Variants in RHOA observed in about 807,000 individuals in gnomAD.
RHOA encodes the protein ras homolog family member A.
In RHOA, 3 loss-of-function variants were observed where a neutral mutation model predicts 17.5. The ratio of observed to expected loss-of-function variants is 0.17; its 90% confidence interval spans 0.08 to 0.44. The LOEUF (loss-of-function observed/expected upper bound fraction) is 0.44. Among genes scored for constraint, RHOA ranks in the 20% least tolerant of loss-of-function variants. The pLI, the probability that RHOA is intolerant of heterozygous loss-of-function variation, is 0.99. For synonymous variants in RHOA, 98 were observed against 88.4 expected (o/e 1.11, Z -0.61); for missense variants, 56 against 242.3 (o/e 0.23, Z 5.10).
At chr3:49,381,079 G>A (rs1255138718) in intron 1 of RHOA, among the ~76,000 whole-genome samples, 1 of 151,856 alleles carries the variant, frequency 6.6e-6, no homozygotes, top group Non-Finnish European at 1.5e-5. Flanking sequence ...CGATGATAGG[G>A]AAATGTGCTC....
At chr3:49,409,250 C>T (rs1225989364) in intron 1 of RHOA, among the ~76,000 whole-genome samples, 1 of 151,784 alleles carries the variant, frequency 6.6e-6, no homozygotes, top group African/African-American at 2.4e-5. Context: ...CAAAAGTTAG[C>T]CAGGAATGGT....
At chr3:49,396,037 A>G (rs1215174270) in intron 1 of RHOA, among the ~76,000 whole-genome samples, 2 of 152,230 alleles carry the variant, frequency 1.3e-5, no homozygotes, top group Non-Finnish European at 2.9e-5. Flanking sequence ...AGTGGTGGTC[A>G]TGAAGAAGCC....
rs56912055 is a variant in RHOA at position 49,405,257 on chromosome 3, CAAAAAAAA to C, written c.-3+6555_-3+6562del. On this transcript the variant is annotated intron_variant, in intron 1 of 4. Transcript: ENST00000418115. The stretch of plus-strand genomic sequence containing the variant: ...TGGGTGACAGAGCGAGACTGTGTCT[CAAAAAAAA>C]AAAAAAAAAAAAAAAAATTAGCTGG... Among the ~76,000 whole-genome samples, 1,067 of 109,994 alleles carry C rather than the reference CAAAAAAAA, an allele frequency of 9.7e-3. 15 individuals are homozygous for C. The highest frequency in any genetic ancestry group is 0.042 in the African/African-American group (1,032 of 24,330). The allele number at this position is 109,994 out of a possible 152,430, so 72.2% of individuals were successfully genotyped here.
At position 49,375,590 on chromosome 3, in the gene RHOA, TG is replaced by T. The variant is rs747354254; in HGVS notation, c.-2del. ...CCAGTTTCTTCCGGATGGCAGCCAT[TG>T]CTGAAACACAAAACACAGATATTAC... On this transcript the variant is annotated splice_region_variant and 5_prime_UTR_variant, in exon 2 of 5. Transcript: ENST00000418115. The T allele has an allele frequency of 1.1e-5, 18 of 1,612,976 alleles. 1 individual carries two copies. In the South Asian group the frequency reaches 2.0e-4, roughly 18 times the overall value.
Position 49,375,348 on chromosome 3 carries a change from A to G in RHOA, c.156+86T>C, listed in dbSNP as rs1244386236. The G allele has an allele frequency of 3.8e-6, 5 of 1,305,268 alleles. No homozygotes were observed. The African/African-American group carries it at 6.0e-5, about 16-fold the overall frequency. The allele number at this position is 1,305,268 out of a possible 1,614,324, so 80.9% of individuals were successfully genotyped here. The stretch of plus-strand genomic sequence containing the variant: ...ACATTTTTGTTATATGGTATACTGA[A>G]GAGGCAAAAAGCTCTAATTCTCTAC... On this transcript the variant is annotated intron_variant, in intron 2 of 4. Coordinates refer to ENST00000418115, the MANE Select transcript of RHOA (RefSeq NM_001664.4).
At chr3:49,363,149 T>C (rs1307414738) in intron 3 of RHOA, among the ~76,000 whole-genome samples, 1 of 152,208 alleles carries the variant, frequency 6.6e-6, no homozygotes, top group Non-Finnish European at 1.5e-5. Flanking sequence ...CCGGGAGCGG[T>C]GGCTCATGCC....
intron 1 of RHOA, among the ~76,000 whole-genome samples, chr3:49,399,592 C>T (rs10446468): frequency 0.97 from 142,220 of 146,608 alleles, 69,060 homozygotes; most frequent in Middle Eastern, 1. Flanking sequence ...TTTTTTTTTT[C>T]CCCCAGAAAG....
intron 3 of RHOA, among the ~76,000 whole-genome samples, chr3:49,367,365 A>AAAAAAAAAAAAAAAAAC (rs2048075889): frequency 6.7e-6 from 1 of 149,778 alleles, no homozygotes. Flanking sequence ...AAAAAAAAAA[A>AAAAAAAAAAAAAAAAAC]AGAATACTGA....
rs62926260 is a variant in RHOA at position 49,367,342 on chromosome 3, C to CAAAAAAAAAAAAAAAAA, written c.277+1069_277+1085dup. ...TGGGAGACAGAGCAAGACTCCCTCT[C>CAAAAAAAAAAAAAAAAA]AAAAAAAAAAAAAAAAAAAAAAAAG... is the stretch of plus-strand genomic sequence containing the variant. On this transcript the variant is annotated intron_variant, in intron 3 of 4. Transcript: ENST00000418115. Among the ~76,000 whole-genome samples, 175 of 80,420 alleles carry CAAAAAAAAAAAAAAAAA rather than the reference C, an allele frequency of 2.2e-3. 9 individuals carry two copies. The highest frequency in any genetic ancestry group is 0.016 in the East Asian group (14 of 890). The allele number at this position is 80,420 out of a possible 152,430, so 52.8% of individuals were successfully genotyped here.
chr3:49,365,660 G>A (rs1339993619), intron 3 of RHOA, among the ~76,000 whole-genome samples: 1 of 141,852 alleles, frequency 7.0e-6, no homozygotes, highest in Non-Finnish European at 1.5e-5. Flanking sequence ...ATGCGATCTC[G>A]GCTCACTGCA....
At chr3:49,370,497 G>A (rs1281516014) in intron 2 of RHOA, among the ~76,000 whole-genome samples, 2 of 152,190 alleles carry the variant, frequency 1.3e-5, no homozygotes, top group Admixed American at 6.6e-5. Context: ...AAACAAATCT[G>A]TATTTTGAGT....
At chr3:49,408,291 T>C (rs2048873528) in intron 1 of RHOA, among the ~76,000 whole-genome samples, 1 of 148,010 alleles carries the variant, frequency 6.8e-6, no homozygotes. Context: ...TACACAAGTA[T>C]ATATACATAT....
intron 1 of RHOA, among the ~76,000 whole-genome samples, chr3:49,386,695 T>A (rs1221240013): frequency 1.3e-5 from 2 of 152,196 alleles, no homozygotes; most frequent in African/African-American, 2.4e-5. Context: ...CTCGATTAAT[T>A]AATATGCAAC....
At chr3:49,390,681 C>G (rs1273096576) in intron 1 of RHOA, among the ~76,000 whole-genome samples, 1 of 152,274 alleles carries the variant, frequency 6.6e-6, no homozygotes, top group East Asian at 1.9e-4. Context: ...GTGGCTTAAT[C>G]CTCTGTCTAA....
At chr3:49,382,177 G>C (rs1203107876) in intron 1 of RHOA, among the ~76,000 whole-genome samples, 1 of 151,516 alleles carries the variant, frequency 6.6e-6, no homozygotes, top group African/African-American at 2.4e-5. Flanking sequence ...AAATTAGCCA[G>C]GCGTCGTGAA....
At chr3:49,362,771 C>G in intron 3 of RHOA, 145 bp from the exon 4 acceptor site, 1 of 675,198 alleles carries the variant, frequency 1.5e-6, no homozygotes. Flanking sequence ...GTTTCAAAAC[C>G]ATAAAAAGGA....
chr3:49,379,918 AAAG>A (rs1288578333), intron 1 of RHOA, among the ~76,000 whole-genome samples: 1 of 152,242 alleles, frequency 6.6e-6, no homozygotes, highest in Non-Finnish European at 1.5e-5. Flanking sequence ...TGGGGGGAAA[AAAG>A]AGAGAAATCT....
chr3:49,377,124 G>A (rs536508218), intron 1 of RHOA, among the ~76,000 whole-genome samples: 5 of 152,086 alleles, frequency 3.3e-5, no homozygotes, highest in South Asian at 2.1e-4. Flanking sequence ...GCGAAACTCC[G>A]TCTCAAAAAA....
At chr3:49,409,036 C>A (rs994360280) in intron 1 of RHOA, among the ~76,000 whole-genome samples, 1 of 151,812 alleles carries the variant, frequency 6.6e-6, no homozygotes, top group Admixed American at 6.6e-5. Context: ...GATCCGCCCG[C>A]CTCGGCCTCC....
Sources: gnomAD v4.1 joint callset for allele counts (sites outside exome capture counted in the v4.1 genomes callset) on GRCh38, gnomAD v4.1.1 for gene constraint, MANE v1.5 for transcripts, NCBI Gene and HGNC (gene_info 2026-07-23, HGNC 2026-07-21) for gene names.